FHIT: variants seen among roughly 807,000 people sequenced by gnomAD.
The protein encoded by FHIT is fragile histidine triad diadenosine triphosphatase, also known as bis(5'-adenosyl)-triphosphatase.
In FHIT, 19 loss-of-function variants were observed where a neutral mutation model predicts 17.9. That is an observed-to-expected ratio of 1.06 (90% confidence interval 0.74 to 1.56). FHIT has a LOEUF of 1.56. FHIT is among the 40% of genes most tolerant of loss of function. FHIT has a pLI of 0.00. For synonymous variants in FHIT, 81 were observed against 69.7 expected (o/e 1.16, Z -0.81); for missense variants, 248 against 189.2 (o/e 1.31, Z -1.82).
At chr3:60,782,689 CTG>C (rs1298271389) in intron 4 of FHIT, among the ~76,000 whole-genome samples, 2 of 152,168 alleles carry the variant, frequency 1.3e-5, no homozygotes, top group Admixed American at 1.3e-4. Flanking sequence ...ATACCACAAA[CTG>C]TGTATTTTAT....
At chr3:59,891,376 C>T (rs923575971) in intron 8 of FHIT, among the ~76,000 whole-genome samples, 2 of 152,180 alleles carry the variant, frequency 1.3e-5, no homozygotes, top group African/African-American at 4.8e-5. Context: ...TTGGTAAAGA[C>T]ACAGGCTGCT....
intron 3 of FHIT, among the ~76,000 whole-genome samples, chr3:60,993,670 T>C: frequency 6.6e-6 from 1 of 152,174 alleles, no homozygotes; most frequent in Non-Finnish European, 1.5e-5. Context: ...TATACTAAAA[T>C]TATACCAATT....
At chr3:59,982,783 G>C (rs1321421661) in intron 7 of FHIT, among the ~76,000 whole-genome samples, 1 of 152,126 alleles carries the variant, frequency 6.6e-6, no homozygotes, top group Non-Finnish European at 1.5e-5. Context: ...GCCTAGACCA[G>C]CACATCAGCC....
chr3:60,146,257 A>AG (rs1045834718), intron 5 of FHIT, among the ~76,000 whole-genome samples: 2 of 150,474 alleles, frequency 1.3e-5, no homozygotes, highest in Non-Finnish European at 3.0e-5. Context: ...TTTAAAAAAA[A>AG]AAAGGGCAGG....
In FHIT at chr3:60,241,536, T is replaced by C. The variant is rs576944177; in HGVS notation, c.104-227384A>G. Among the ~76,000 whole-genome samples the C allele has an allele frequency of 1.1e-4, 16 of 152,248 alleles. 2 individuals are homozygous for C. The South Asian group carries it at 2.9e-3, about 28-fold the overall frequency. ...AAGGTACTATCTTCCTATTAATCTG[T>C]AGTTTTTTTGCTTTTTTTGTAAGGG... On this transcript the variant is annotated intron_variant, in intron 5 of 9. Coordinates refer to ENST00000492590, the MANE Select transcript of FHIT (RefSeq NM_002012.4).
intron 7 of FHIT, among the ~76,000 whole-genome samples, chr3:59,952,865 C>T (rs2107313739): frequency 6.6e-6 from 1 of 152,250 alleles, no homozygotes. Flanking sequence ...CCCTTGTGGA[C>T]AGCTGTGTGG....
intron 8 of FHIT, among the ~76,000 whole-genome samples, chr3:59,852,885 C>A (rs1701999056): frequency 6.6e-6 from 1 of 152,068 alleles, no homozygotes; most frequent in African/African-American, 2.4e-5. Context: ...GAATCAGAAA[C>A]CCTTGTTGGG....
chr3:60,707,505 C>T lies in FHIT; in HGVS notation c.-18+114414G>A, dbSNP rs76703193. On this transcript the variant is annotated intron_variant, in intron 4 of 9. Coordinates refer to ENST00000492590, the MANE Select transcript of FHIT (RefSeq NM_002012.4). ...TTCATGGTTATTTTTAATTTCTAGG[C>T]CCAAATCACTTCCCTAGGCTCTAGA... Among the ~76,000 whole-genome samples, 105 of 152,132 alleles carry T rather than the reference C, an allele frequency of 6.9e-4. 2 individuals carry two copies. In the East Asian group the frequency reaches 0.016, roughly 23 times the overall value.
chr3:59,861,486 A>G lies in FHIT; in HGVS notation c.348+60860T>C, dbSNP rs60847950. The stretch of plus-strand genomic sequence containing the variant: ...TCCAGGGTGCTATTTTTGAAAATGC[A>G]GAAACTCCCAGTTTGGAAATATTTT... On this transcript the variant is annotated intron_variant, in intron 8 of 9. Coordinates refer to ENST00000492590, the MANE Select transcript of FHIT (RefSeq NM_002012.4). Among the ~76,000 whole-genome samples the G allele has an allele frequency of 5.3e-5, 8 of 152,354 alleles. No homozygotes were observed. The East Asian group carries it at 1.4e-3, about 26-fold the overall frequency.
At chr3:60,055,905 C>T (rs1341392335) in intron 5 of FHIT, among the ~76,000 whole-genome samples, 3 of 152,198 alleles carry the variant, frequency 2.0e-5, no homozygotes, top group Non-Finnish European at 4.4e-5. Context: ...CCTAAGGACT[C>T]AGTAAACATT....
chr3:60,408,430 C>T (rs765223256), intron 5 of FHIT, among the ~76,000 whole-genome samples: 1 of 152,060 alleles, frequency 6.6e-6, no homozygotes, highest in African/African-American at 2.4e-5. Flanking sequence ...GTGGACACCC[C>T]AGAAGTCCAC....
intron 7 of FHIT, among the ~76,000 whole-genome samples, chr3:59,927,694 G>A (rs985162538): frequency 2.6e-5 from 4 of 152,042 alleles, no homozygotes; most frequent in Non-Finnish European, 1.5e-5. Flanking sequence ...GCTTGAACCC[G>A]GGAGGCGGAG....
chr3:60,964,919 T>A (rs1709646478), intron 3 of FHIT, among the ~76,000 whole-genome samples: 1 of 152,184 alleles, frequency 6.6e-6, no homozygotes, highest in African/African-American at 2.4e-5. Flanking sequence ...TTGGAGTTGC[T>A]CTTCTTGAGG....
At chr3:60,275,079 T>C (rs906946315) in intron 5 of FHIT, among the ~76,000 whole-genome samples, 5 of 152,262 alleles carry the variant, frequency 3.3e-5, no homozygotes, top group Middle Eastern at 6.8e-3. Flanking sequence ...CTTATGGCTA[T>C]ATTTTAAGGA....
At chr3:60,393,602 A>C (rs932734918) in intron 5 of FHIT, among the ~76,000 whole-genome samples, 1 of 152,126 alleles carries the variant, frequency 6.6e-6, no homozygotes, top group Non-Finnish European at 1.5e-5. Flanking sequence ...GAATGTGGAC[A>C]ACACACTCCA....
At chr3:61,247,436 A>G (rs1576292586) in intron 1 of FHIT, among the ~76,000 whole-genome samples, 1 of 152,196 alleles carries the variant, frequency 6.6e-6, no homozygotes, top group Admixed American at 6.5e-5. Flanking sequence ...GATAGGACCA[A>G]TCCTTTCTAG....
At chr3:60,640,995 C>A (rs1224666254) in intron 4 of FHIT, among the ~76,000 whole-genome samples, 1 of 151,940 alleles carries the variant, frequency 6.6e-6, no homozygotes, top group African/African-American at 2.4e-5. Context: ...GCCTGACCAA[C>A]ATGGTGAAAC....
At chr3:60,531,507 T>C (rs910797648) in intron 5 of FHIT, among the ~76,000 whole-genome samples, 1 of 152,064 alleles carries the variant, frequency 6.6e-6, no homozygotes, top group Admixed American at 6.5e-5. Context: ...CTCGATCTCC[T>C]GACCTCGTGA....
chr3:59,964,426 T>C (rs142195724), intron 7 of FHIT, among the ~76,000 whole-genome samples: 3 of 152,252 alleles, frequency 2.0e-5, no homozygotes, highest in African/African-American at 2.4e-5. Flanking sequence ...ATAAAGTACA[T>C]TGACATCCAT....
Sources: gnomAD v4.1 joint callset for allele counts (sites outside exome capture counted in the v4.1 genomes callset) on GRCh38, gnomAD v4.1.1 for gene constraint, MANE v1.5 for transcripts, NCBI Gene and HGNC (gene_info 2026-07-23, HGNC 2026-07-21) for gene names.